Variants in L1TD1 observed in about 807,000 individuals in gnomAD.
L1TD1 encodes LINE-1 type transposase domain-containing protein 1.
A neutral mutation model predicts 25.7 loss-of-function variants in L1TD1; 26 were observed. The ratio of observed to expected loss-of-function variants is 1.01; its 90% CI spans 0.74 to 1.40. The LOEUF (loss-of-function observed/expected upper bound fraction) is 1.40. L1TD1 is among the 40% of genes most tolerant of loss of function. The pLI is 0.00. For synonymous variants in L1TD1, 421 were observed against 335.6 expected (o/e 1.25, Z -2.78); for missense variants, 1,130 against 975.0 (o/e 1.16, Z -2.12).
At chr1:62,198,446 TAAA>T (rs11353722) in intron 2 of L1TD1, among the ~76,000 whole-genome samples, 4 of 140,408 alleles carry the variant, frequency 2.8e-5, no homozygotes, top group East Asian at 2.1e-4. Flanking sequence ...TGTTCTTATT[TAAA>T]AAAAAAAAAA....
rs561328897 is a variant in L1TD1 at position 62,200,308 on chromosome 1, C to G, written c.-111+3780C>G. Among the ~76,000 whole-genome samples the G allele has an allele frequency of 2.9e-3, 447 of 152,244 alleles. 3 individuals are homozygous for G. Among genetic ancestry groups the G allele is most frequent in the African/African-American group, 0.01 (422 of 41,538 alleles). ...TGTCTTGCCTCAACCTCCCGAGTAGCTGGTGGAGCCCGCCACCACGCCTGG... is the reference window on the plus strand; with the variant it reads ...TGTCTTGCCTCAACCTCCCGAGTAGGTGGTGGAGCCCGCCACCACGCCTGG... On this transcript the variant is annotated intron_variant, in intron 2 of 3. Transcript: ENST00000498273.
At chr1:62,199,681 TA>T (rs1166567357) in intron 2 of L1TD1, among the ~76,000 whole-genome samples, 4 of 152,012 alleles carry the variant, frequency 2.6e-5, no homozygotes, top group Non-Finnish European at 5.9e-5. Flanking sequence ...CTGTCTCTTT[TA>T]AAAAAAATAA....
intron 2 of L1TD1, among the ~76,000 whole-genome samples, chr1:62,202,382 A>G (rs2149099324): frequency 6.6e-6 from 1 of 151,464 alleles, no homozygotes; most frequent in African/African-American, 2.4e-5. Context: ...CATGTTTTAC[A>G]TGTTTCCTCT....
chr1:62,205,433 A>ATTTTTTTTTTTT (rs1161372604), intron 2 of L1TD1, among the ~76,000 whole-genome samples: 3 of 40,072 alleles, frequency 7.5e-5, no homozygotes, highest in Non-Finnish European at 6.0e-5. Flanking sequence ...ATATATATAT[A>ATTTTTTTTTTTT]TATATATATA....
chr1:62,196,203 A>T (rs994933543), intron 1 of L1TD1, among the ~76,000 whole-genome samples: 3 of 152,110 alleles, frequency 2.0e-5, no homozygotes, highest in Non-Finnish European at 1.5e-5. Context: ...TCTCACAAAG[A>T]AGAAACCATT....
intron 2 of L1TD1, among the ~76,000 whole-genome samples, chr1:62,202,739 A>C (rs1417928487): frequency 7.2e-6 from 1 of 138,258 alleles, no homozygotes; most frequent in Admixed American, 7.8e-5. Context: ...GGCTGGAGGC[A>C]ATGGCACGAT....
chr1:62,209,444 A>G (rs781360196), intron 3 of L1TD1, among the ~76,000 whole-genome samples: 1 of 152,208 alleles, frequency 6.6e-6, no homozygotes, highest in African/African-American at 2.4e-5. Context: ...CTCACATACA[A>G]TAAGCAGACA....
At position 62,207,447 on chromosome 1, in the gene L1TD1, A is replaced by G. The variant is rs1372839932; in HGVS notation, c.819A>G (p.Glu273=). The G allele has an allele frequency of 3.2e-6, 5 of 1,550,896 alleles. No individual in the cohort carries two copies. The East Asian group carries it at 1.2e-4, about 38-fold the overall frequency. Residue 273 remains glutamate (E), a synonymous_variant, in exon 3 of 4, where the codon GAA becomes GAG. Coordinates refer to ENST00000498273, the MANE Select transcript of L1TD1 (RefSeq NM_019079.5). ...VFNILRENDF[E]PKFLCEVKLA... The stretch of plus-strand genomic sequence containing the variant: ...ACATTCTGAGAGAAAATGATTTTGA[A>G]CCTAAATTTCTGTGTGAAGTTAAAT...
chr1:62,195,627 C>T (rs1312041128), intron 1 of L1TD1, among the ~76,000 whole-genome samples: 3 of 152,192 alleles, frequency 2.0e-5, no homozygotes, highest in East Asian at 1.9e-4. Flanking sequence ...TGGCGCATGC[C>T]TGTAATCCTA....
chr1:62,202,710 C>G (rs150621161), intron 2 of L1TD1, among the ~76,000 whole-genome samples: 4,599 of 103,766 alleles, frequency 0.044, 89 homozygotes, highest in Middle Eastern at 0.1. Flanking sequence ...GAGTCTTGCT[C>G]TTTTGCTCTT....
At chr1:62,201,747 C>T (rs1255357581) in intron 2 of L1TD1, among the ~76,000 whole-genome samples, 2 of 152,078 alleles carry the variant, frequency 1.3e-5, no homozygotes, top group East Asian at 3.9e-4. Flanking sequence ...ATATATATTC[C>T]TCAATATTTA....
intron 2 of L1TD1, among the ~76,000 whole-genome samples, chr1:62,204,641 T>TA (rs1178680825): frequency 6.6e-6 from 1 of 152,150 alleles, no homozygotes; most frequent in Non-Finnish European, 1.5e-5. Flanking sequence ...TGGGCTCAAG[T>TA]AATCATTCCA....
chr1:62,205,071 G>A (rs1286665036), intron 2 of L1TD1, among the ~76,000 whole-genome samples: 4 of 152,030 alleles, frequency 2.6e-5, no homozygotes, highest in Non-Finnish European at 4.4e-5. Context: ...AATATTCTTG[G>A]CTGGGTGCAG....
Position 62,207,589 on chromosome 1 carries a change from G to T in L1TD1, c.961G>T (p.Glu321Ter). ...ACTGAAAGATGTACTCCCACAAAAGGAAGAAATAAATCAAGGAGGAAGAAA... is the reference window on the plus strand; with the variant it reads ...ACTGAAAGATGTACTCCCACAAAAGTAAGAAATAAATCAAGGAGGAAGAAA... ...ELLKDVLPQKEEINQGGRKYG... is the reference protein window; with the variant it reads ...ELLKDVLPQK Residue 321 changes from glutamate (E) to a stop codon, truncating the protein, a stop_gained, in exon 3 of 4, where the codon GAA becomes TAA. Transcript: ENST00000498273. LOFTEE classifies it low-confidence loss of function (END_TRUNC). 6.5e-7 allele frequency: 1 copy of T among 1,544,198 alleles called. No homozygotes were observed. The highest frequency in any genetic ancestry group is 8.7e-7 in the Non-Finnish European group (1 of 1,145,052).
chr1:62,198,425 G>A (rs1245161525), intron 2 of L1TD1, among the ~76,000 whole-genome samples: 3 of 150,754 alleles, frequency 2.0e-5, no homozygotes, highest in Non-Finnish European at 4.4e-5. Flanking sequence ...CTGAGGTGAG[G>A]GACTAGTAAT....
chr1:62,205,435 A>T (rs1301133405), intron 2 of L1TD1, among the ~76,000 whole-genome samples: 2,746 of 35,846 alleles, frequency 0.077, 259 homozygotes, highest in African/African-American at 0.16. Context: ...ATATATATAT[A>T]TATATATATT....
chr1:62,207,879 A>G (rs2149101584), intron 3 of L1TD1, among the ~76,000 whole-genome samples: 1 of 152,070 alleles, frequency 6.6e-6, no homozygotes, highest in African/African-American at 2.4e-5. Flanking sequence ...CGCCCAGATA[A>G]TTTTGTATTT....
intron 2 of L1TD1, among the ~76,000 whole-genome samples, chr1:62,199,996 CTA>C (rs761440779): frequency 1.3e-5 from 2 of 152,066 alleles, no homozygotes; most frequent in African/African-American, 2.4e-5. Flanking sequence ...GGATTGTACT[CTA>C]TATTTTCTGC....
intron 2 of L1TD1, among the ~76,000 whole-genome samples, chr1:62,198,673 TAAAG>T (rs374086959): frequency 1.8e-4 from 27 of 152,150 alleles, no homozygotes; most frequent in African/African-American, 5.8e-4. Context: ...TCCCTAAAAT[TAAAG>T]GAAGTTTATC....
Sources: gnomAD v4.1 joint callset for allele counts (sites outside exome capture counted in the v4.1 genomes callset) on GRCh38, gnomAD v4.1.1 for gene constraint, MANE v1.5 for transcripts, NCBI Gene and HGNC (gene_info 2026-07-23, HGNC 2026-07-21) for gene names.